YTHDC2: variants seen among roughly 807,000 people sequenced by gnomAD.
YTHDC2 encodes the protein YTH N6-methyladenosine RNA binding protein C2, also known as 3'-5' RNA helicase YTHDC2.
YTHDC2 carries 45 observed loss-of-function variants against 174.9 expected under a neutral mutation model. The observed-to-expected ratio is 0.26, with a 90% CI of 0.20 to 0.33. The LOEUF is 0.33. Among genes scored for constraint, YTHDC2 ranks in the 10% least tolerant of loss-of-function variants. YTHDC2 has a pLI of 1.00. For synonymous variants in YTHDC2, 657 were observed against 574.5 expected (o/e 1.14, Z -2.05); for missense variants, 1,650 against 1,723.7 (o/e 0.96, Z 0.76).
At chr5:113,519,265 GT>G (rs913825107) in intron 2 of YTHDC2, among the ~76,000 whole-genome samples, 96 of 152,150 alleles carry the variant, frequency 6.3e-4, no homozygotes, top group African/African-American at 2.3e-3. Flanking sequence ...ATATCCTAAA[GT>G]TTTCTTTGAA....
chr5:113,533,481 G>A (rs536256482), intron 5 of YTHDC2, among the ~76,000 whole-genome samples: 43 of 151,980 alleles, frequency 2.8e-4, no homozygotes, highest in South Asian at 2.1e-4. Flanking sequence ...CCCGGAAGGC[G>A]GAGGTTGTGG....
rs1381981797 is a variant in YTHDC2, at chr5:113,514,273, G to A, written c.187+191G>A. On this transcript the variant is annotated intron_variant, in intron 1 of 29. Coordinates refer to ENST00000161863, the MANE Select transcript of YTHDC2 (RefSeq NM_022828.5). ...GGCTGTTGGCCCTGCGGTGGAATGC[G>A]AGGTGCTCTGCGGATCAATGGGGTT... The A allele has an allele frequency of 8.2e-6, 6 of 734,160 alleles. No homozygotes were observed. The Admixed American group carries it at 1.0e-4, about 12-fold the overall frequency. 45.5% of individuals were successfully genotyped at this position (734,160 alleles called of 1,614,324 possible).
At chr5:113,535,530 T>G in intron 6 of YTHDC2, 112 bp from the exon 7 acceptor site, 2 of 1,026,164 alleles carry the variant, frequency 1.9e-6, no homozygotes, top group Non-Finnish European at 2.7e-6. Context: ...TTGATTGGCC[T>G]TGTCCACATT....
At position 113,525,283 on chromosome 5, in the gene YTHDC2, A is replaced by G. The variant is rs1177667361; in HGVS notation, c.475+106A>G. 6.6e-5 allele frequency: 63 copies of G among 954,820 alleles called. No individual in the cohort carries two copies. The East Asian group carries it at 9.2e-4, about 14-fold the overall frequency. The allele number at this position is 954,820 out of a possible 1,614,324, so 59.1% of individuals were successfully genotyped here. On this transcript the variant is annotated intron_variant, in intron 3 of 29. Transcript: ENST00000161863. Reference sequence around the variant, plus strand: ...AACCAAGATGAAATAAGATTTCTCAATTGGAATAGTTTGTTAGAAATGATT... The same window carrying G: ...AACCAAGATGAAATAAGATTTCTCAGTTGGAATAGTTTGTTAGAAATGATT...
rs76984910 is a variant in YTHDC2 at position 113,559,625 on chromosome 5, G to A, written c.2217-1455G>A. ...AATAGCCAACACTGTAGATATCACA[G>A]TTGGTTCAGGTTACCCAATTCTGAC... On this transcript the variant is annotated intron_variant, in intron 17 of 29. Transcript: ENST00000161863. Among the ~76,000 whole-genome samples, 1,296 of 152,322 alleles carry A rather than the reference G, an allele frequency of 8.5e-3. 21 individuals are homozygous for A. Among genetic ancestry groups the A allele is most frequent in the African/African-American group, 0.03 (1,246 of 41,560 alleles).
At chr5:113,579,722 A>C (rs774057972) in intron 24 of YTHDC2, 27 bp downstream of exon 24, 1 of 1,569,436 alleles carries the variant, frequency 6.4e-7, no homozygotes, top group Non-Finnish European at 8.6e-7. Context: ...TAGTGTAATA[A>C]ATTTCTTTCA....
At chr5:113,535,108 A>G (rs1462280767) in intron 6 of YTHDC2, among the ~76,000 whole-genome samples, 1 of 152,212 alleles carries the variant, frequency 6.6e-6, no homozygotes, top group Non-Finnish European at 1.5e-5. Context: ...AAAAAGGGCA[A>G]TATAGACAGC....
rs775329118 is a variant in YTHDC2 at position 113,567,144 on chromosome 5, T to A, written c.2895T>A (p.Ser965=). The change falls in exon 22 of 30, where the codon TCT becomes TCA. Residue 965 remains serine, a synonymous_variant. Coordinates refer to ENST00000161863, the MANE Select transcript of YTHDC2 (RefSeq NM_022828.5). Reference sequence around the variant, plus strand: ...ACATTCGGGACGTTAACACAAACTCTGAGAATTGGGCTGTCGTTAAAGCTG... The same window carrying A: ...ACATTCGGGACGTTAACACAAACTCAGAGAATTGGGCTGTCGTTAAAGCTG... ...GGDIRDVNTN[S]ENWAVVKAAL... is the part of the protein sequence containing the mutation. 1.9e-6 allele frequency: 3 copies of A among 1,613,900 alleles called. No individual in the cohort carries two copies. In the East Asian group the frequency reaches 6.7e-5, roughly 36 times the overall value.
intron 2 of YTHDC2, among the ~76,000 whole-genome samples, chr5:113,515,799 A>G (rs1773381304): frequency 6.6e-6 from 1 of 152,208 alleles, no homozygotes; most frequent in Non-Finnish European, 1.5e-5. Flanking sequence ...GACAAAGGAA[A>G]AGGACTTTGA....
At chr5:113,522,524 C>A (rs1773949396) in intron 2 of YTHDC2, among the ~76,000 whole-genome samples, 1 of 152,046 alleles carries the variant, frequency 6.6e-6, no homozygotes, top group Non-Finnish European at 1.5e-5. Flanking sequence ...ATGGGGTTTA[C>A]CTTTTATTTA....
At chr5:113,584,160 T>A (rs1158610312) in intron 25 of YTHDC2, 142 bp from the exon 26 acceptor site, 8 of 655,840 alleles carry the variant, frequency 1.2e-5, no homozygotes, top group African/African-American at 7.2e-5. Context: ...TTAGTATTTT[T>A]AAATAATATT....
intron 2 of YTHDC2, among the ~76,000 whole-genome samples, chr5:113,517,755 A>G (rs1773561124): frequency 6.6e-6 from 1 of 152,130 alleles, no homozygotes; most frequent in African/African-American, 2.4e-5. Flanking sequence ...GTGATTTTCA[A>G]ATGCCTTTTC....
chr5:113,560,353 A>C (rs1776879017), intron 17 of YTHDC2, among the ~76,000 whole-genome samples: 1 of 152,134 alleles, frequency 6.6e-6, no homozygotes, highest in Non-Finnish European at 1.5e-5. Context: ...TGGTTGAGAA[A>C]TTTTATTTTT....
intron 26 of YTHDC2, among the ~76,000 whole-genome samples, chr5:113,589,120 C>T (rs1213385638): frequency 2.0e-5 from 3 of 151,546 alleles, no homozygotes; most frequent in Admixed American, 1.3e-4. Flanking sequence ...TATGTTAATA[C>T]GAATGTCCAT....
intron 20 of YTHDC2, among the ~76,000 whole-genome samples, chr5:113,564,401 G>A (rs1777201495): frequency 6.6e-6 from 1 of 151,806 alleles, no homozygotes; most frequent in South Asian, 2.1e-4. Flanking sequence ...TCTATTACCA[G>A]GTTTCTTTAA....
chr5:113,568,204 T>C (rs1240148242), intron 23 of YTHDC2, among the ~76,000 whole-genome samples: 1 of 152,224 alleles, frequency 6.6e-6, no homozygotes, highest in Non-Finnish European at 1.5e-5. Context: ...TTTAATGTTA[T>C]ATTTTTTCTA....
At chr5:113,571,684 C>G (rs1380204606) in intron 23 of YTHDC2, among the ~76,000 whole-genome samples, 2 of 152,196 alleles carry the variant, frequency 1.3e-5, no homozygotes, top group South Asian at 2.1e-4. Context: ...GATTCAGCTT[C>G]TTTCTGGTTC....
In YTHDC2 at chr5:113,592,042, A is replaced by G; in HGVS notation, c.4076A>G (p.Asp1359Gly). The G allele has an allele frequency of 6.2e-7, 1 of 1,612,808 alleles. No homozygotes were observed. Among genetic ancestry groups the G allele is most frequent in the Non-Finnish European group, 8.5e-7 (1 of 1,179,320 alleles). The stretch of plus-strand genomic sequence containing the variant: ...GAGATTGGAAGGGAAAAGAGTCAGG[A>G]CTGGGGCTCTGCTGGACTAGGAGGA... ...SSEIGREKSQ[D>G]WGSAGLGGVF... Residue 1359 changes from aspartate (D) to glycine (G), a missense_variant, in exon 28 of 30, where the codon GAC becomes GGC. By Grantham distance (94) the Asp-to-Gly change is moderately conservative. Coordinates refer to ENST00000161863, the MANE Select transcript of YTHDC2 (RefSeq NM_022828.5).
intron 20 of YTHDC2, among the ~76,000 whole-genome samples, chr5:113,565,006 G>A (rs1159755336): frequency 3.3e-5 from 5 of 151,960 alleles, no homozygotes. Flanking sequence ...TAGAGACAGG[G>A]TTTCACCATG....
Sources: allele counts gnomAD v4.1 joint callset (sites outside exome capture counted in the v4.1 genomes callset), GRCh38; gene constraint gnomAD v4.1.1; transcripts MANE v1.5; gene names NCBI Gene and HGNC (gene_info 2026-07-23, HGNC 2026-07-21).